SLC6A17: variants seen among roughly 807,000 people sequenced by gnomAD.
The protein encoded by SLC6A17 is sodium-dependent neutral amino acid transporter SLC6A17.
In SLC6A17, 21 loss-of-function variants were observed where a neutral mutation model predicts 64.5. The observed-to-expected ratio is 0.33, with a 90% CI of 0.23 to 0.47. The LOEUF (loss-of-function observed/expected upper bound fraction) is 0.47. SLC6A17 is among the 20% of genes least tolerant of loss of function. The probability of loss-of-function intolerance (pLI) is 1.00; values close to 1 mark genes in which losing one functional copy is unlikely to be tolerated. For missense variants in SLC6A17, 682 were observed against 963.2 expected (o/e 0.71, Z 3.86); for synonymous variants, 372 against 399.5 (o/e 0.93, Z 0.82).
Position 110,194,711 on chromosome 1 carries a change from A to G in SLC6A17, c.1432A>G (p.Met478Val). Reference sequence around the variant, plus strand: ...GGGCCTGGGCAGCATGATCGGGACCATGGCAGGCATCACCACGCCCATCAT... The same window carrying G: ...GGGCCTGGGCAGCATGATCGGGACCGTGGCAGGCATCACCACGCCCATCAT... ...NLGLGSMIGT[M>V]AGITTPIIDT... The change falls in exon 9 of 12, where the codon ATG (methionine) becomes GTG (valine). Residue 478 changes from methionine to valine, a missense_variant. This residue lies in a region of SLC6A17 where 3 missense variants were observed against 19.9 expected (regional missense o/e 0.15). Coordinates refer to ENST00000331565, the MANE Select transcript of SLC6A17 (RefSeq NM_001010898.4). The G allele has an allele frequency of 1.2e-6, 2 of 1,614,228 alleles. No individual in the cohort carries two copies. Among genetic ancestry groups the G allele is most frequent in the East Asian group, 2.2e-5 (1 of 44,884 alleles).
chr1:110,181,733 G>A (rs1334101206), intron 6 of SLC6A17, among the ~76,000 whole-genome samples: 1 of 152,210 alleles, frequency 6.6e-6, no homozygotes, highest in African/African-American at 2.4e-5. Context: ...GGAGGCCAGG[G>A]AGCAGGCTAT....
At chr1:110,191,114 A>G (rs1043700053) in intron 6 of SLC6A17, among the ~76,000 whole-genome samples, 1 of 152,110 alleles carries the variant, frequency 6.6e-6, no homozygotes, top group African/African-American at 2.4e-5. Flanking sequence ...CTCTATTACT[A>G]TTCCCTTTTC....
At chr1:110,178,962 A>G (rs1454652) in intron 6 of SLC6A17, among the ~76,000 whole-genome samples, 57,928 of 152,116 alleles carry the variant, frequency 0.38, 11,970 homozygotes, top group Non-Finnish European at 0.47. Context: ...TTTGTTATAC[A>G]TATATGTGTA....
At chr1:110,178,609 T>C (rs886298487) in intron 6 of SLC6A17, 3 of 153,560 alleles carry the variant, frequency 2.0e-5, no homozygotes, top group African/African-American at 4.8e-5. Flanking sequence ...TTATAAACAA[T>C]TGAAATTTAT....
chr1:110,170,973 C>T (rs1394786858), intron 2 of SLC6A17, among the ~76,000 whole-genome samples: 3 of 152,192 alleles, frequency 2.0e-5, no homozygotes, highest in Non-Finnish European at 4.4e-5. Context: ...ACTGTCCCCC[C>T]GCTGCCTGTG....
At chr1:110,183,533 G>T (rs1314306482) in intron 6 of SLC6A17, among the ~76,000 whole-genome samples, 1 of 152,172 alleles carries the variant, frequency 6.6e-6, no homozygotes, top group East Asian at 1.9e-4. Context: ...TGATGAAGAG[G>T]TTTTAAAATT....
chr1:110,162,180 C>T (rs555018033), intron 1 of SLC6A17, among the ~76,000 whole-genome samples: 19 of 152,040 alleles, frequency 1.2e-4, no homozygotes, highest in African/African-American at 4.6e-4. Flanking sequence ...TCACAACCCA[C>T]CCCAGCTACT....
intron 1 of SLC6A17, among the ~76,000 whole-genome samples, chr1:110,157,099 T>C (rs1335533084): frequency 6.6e-6 from 1 of 152,238 alleles, no homozygotes; most frequent in Non-Finnish European, 1.5e-5. Context: ...CAAATTGGTA[T>C]ACTCTCACAG....
chr1:110,173,660 G>A (rs1656298516), intron 3 of SLC6A17, among the ~76,000 whole-genome samples: 2 of 152,192 alleles, frequency 1.3e-5, no homozygotes, highest in Admixed American at 6.5e-5. Context: ...GAAATGAGGA[G>A]GAGAAAGTAC....
chr1:110,198,856 G>A lies in SLC6A17; in HGVS notation c.*412G>A, dbSNP rs1657042225. 5.8e-6 allele frequency: 1 copy of A among 172,294 alleles called. No individual in the cohort carries two copies. The highest frequency in any genetic ancestry group is 2.4e-5 in the African/African-American group (1 of 41,978). 10.7% of individuals were successfully genotyped at this position (172,294 alleles called of 1,614,324 possible). A position where few individuals can be genotyped will look rare whatever the true frequency, so the allele number is the denominator to read the frequency against. ...CAGATGGTGGTGGTGAGAGGCCTTG[G>A]GGCTGGGGAAGGAGAGTGGACTTTG... On this transcript the variant is annotated 3_prime_UTR_variant, in exon 12 of 12. Transcript: ENST00000331565.
At position 110,180,750 on chromosome 1, in the gene SLC6A17, T is replaced by C. The variant is rs895792444; in HGVS notation, c.864+4011T>C. Among the ~76,000 whole-genome samples the C allele has an allele frequency of 5.9e-5, 9 of 152,166 alleles. 1 individual carries two copies. The highest frequency in any genetic ancestry group is 2.6e-4 in the Admixed American group (4 of 15,278). On this transcript the variant is annotated intron_variant, in intron 6 of 11. Coordinates refer to ENST00000331565, the MANE Select transcript of SLC6A17 (RefSeq NM_001010898.4). ...ACCAGGTCACTGCCCTAGCTGCCCG[T>C]GCTGTGCACTGCTCCATTCATATAG...
chr1:110,169,937 A>G (rs76406409), intron 2 of SLC6A17, among the ~76,000 whole-genome samples: 1 of 152,186 alleles, frequency 6.6e-6, no homozygotes, highest in African/African-American at 2.4e-5. Flanking sequence ...TTGGTGTGGT[A>G]GAGAGACCTG....
chr1:110,172,316 C>T (rs1284959960), intron 3 of SLC6A17, 99 bp downstream of exon 3: 10 of 1,425,884 alleles, frequency 7.0e-6, no homozygotes, highest in Non-Finnish European at 9.3e-6. Flanking sequence ...AGTCCTACGT[C>T]AGGACAAGGG....
intron 1 of SLC6A17, among the ~76,000 whole-genome samples, chr1:110,160,446 CTG>C (rs1361470500): frequency 6.6e-6 from 1 of 152,202 alleles, no homozygotes; most frequent in Non-Finnish European, 1.5e-5. Context: ...GTAGGATAAT[CTG>C]TGTGTGCGAA....
At chr1:110,170,390 A>G (rs905811580) in intron 2 of SLC6A17, among the ~76,000 whole-genome samples, 1 of 152,208 alleles carries the variant, frequency 6.6e-6, no homozygotes, top group Non-Finnish European at 1.5e-5. Context: ...AGGCTGAGGC[A>G]GGAGAATGGT....
At chr1:110,172,905 A>G (rs1333188654) in intron 3 of SLC6A17, among the ~76,000 whole-genome samples, 1 of 152,242 alleles carries the variant, frequency 6.6e-6, no homozygotes, top group Admixed American at 6.5e-5. Context: ...AACCATGCTC[A>G]CTGCTCACAC....
chr1:110,167,597 G>A (rs575681829), intron 2 of SLC6A17, among the ~76,000 whole-genome samples: 1 of 152,280 alleles, frequency 6.6e-6, no homozygotes, highest in East Asian at 1.9e-4. Flanking sequence ...CACGCTACCT[G>A]ACACGGTAAG....
At chr1:110,188,845 T>C (rs1223677990) in intron 6 of SLC6A17, among the ~76,000 whole-genome samples, 1 of 152,188 alleles carries the variant, frequency 6.6e-6, no homozygotes, top group African/African-American at 2.4e-5. Flanking sequence ...TCCTCCCCTC[T>C]GCCTCTCTCT....
Position 110,199,951 on chromosome 1 carries a change from A to G in SLC6A17, c.*1507A>G, listed in dbSNP as rs1421558064. On this transcript the variant is annotated 3_prime_UTR_variant, in exon 12 of 12. Transcript: ENST00000331565. ...GGTTGGGGGGTGGGGGTGGATGGAT[A>G]GATGGATGGATGGATGGACGGATGG... is the stretch of plus-strand genomic sequence containing the variant. 3.1e-5 allele frequency: 10 copies of G among 326,188 alleles called. No individual in the cohort carries two copies. In the South Asian group the frequency reaches 4.7e-4, roughly 15 times the overall value. The allele number at this position is 326,188 out of a possible 1,614,324, so 20.2% of individuals were successfully genotyped here. A position where few individuals can be genotyped will look rare whatever the true frequency, so the allele number is the denominator to read the frequency against.
Sources: allele counts gnomAD v4.1 joint callset (sites outside exome capture counted in the v4.1 genomes callset), GRCh38; gene constraint gnomAD v4.1.1; regional missense constraint gnomAD v4.1.1; transcripts MANE v1.5; gene names NCBI Gene and HGNC (gene_info 2026-07-23, HGNC 2026-07-21).